PCDH15: variants seen among roughly 807,000 people sequenced by gnomAD.
The protein encoded by PCDH15 is protocadherin-15.
In PCDH15, 129 loss-of-function variants were observed where a neutral mutation model predicts 178.5. The ratio of observed to expected loss-of-function variants is 0.72; its 90% CI spans 0.63 to 0.84. PCDH15 has a LOEUF of 0.84. Ranked by LOEUF, PCDH15 falls within the 40% of genes least tolerant of loss-of-function variation. The pLI is 0.00. For synonymous variants in PCDH15, 800 were observed against 732.0 expected (o/e 1.09, Z -1.50); for missense variants, 2,230 against 2,099.9 (o/e 1.06, Z -1.21).
At chr10:55,453,381 T>A (rs2132083450) in intron 2 of PCDH15, among the ~76,000 whole-genome samples, 1 of 152,308 alleles carries the variant, frequency 6.6e-6, no homozygotes, top group Non-Finnish European at 1.5e-5. Context: ...GTTTAGGTTT[T>A]GTAATAGAAA....
intron 1 of PCDH15, among the ~76,000 whole-genome samples, chr10:55,263,020 T>G (rs1314230326): frequency 6.6e-6 from 1 of 152,058 alleles, no homozygotes; most frequent in African/African-American, 2.4e-5. Context: ...ACCAAATAAG[T>G]GAGCCACATC....
intron 2 of PCDH15, among the ~76,000 whole-genome samples, chr10:55,048,110 T>A (rs779707174): frequency 6.6e-6 from 1 of 151,870 alleles, no homozygotes. Context: ...ATACTTCTTA[T>A]ATGTTTAAGA....
intron 6 of PCDH15, among the ~76,000 whole-genome samples, chr10:54,334,445 T>C (rs1050968370): frequency 6.6e-6 from 1 of 152,138 alleles, no homozygotes; most frequent in Non-Finnish European, 1.5e-5. Flanking sequence ...CCAGTTTAGA[T>C]AAAACGGCAG....
At chr10:54,788,974 C>G (rs1170297068) in intron 1 of PCDH15, among the ~76,000 whole-genome samples, 1 of 151,752 alleles carries the variant, frequency 6.6e-6, no homozygotes, top group Non-Finnish European at 1.5e-5. Flanking sequence ...ATGAAACTTT[C>G]AAAGAAGATA....
intron 1 of PCDH15, among the ~76,000 whole-genome samples, chr10:55,238,172 G>A (rs1841440918): frequency 7.0e-6 from 1 of 143,360 alleles, no homozygotes; most frequent in South Asian, 2.2e-4. Context: ...TTTTGAGACG[G>A]AGTCTCCCTC....
At chr10:55,082,582 GAAA>G (rs35092419) in intron 2 of PCDH15, among the ~76,000 whole-genome samples, 58,364 of 133,760 alleles carry the variant, frequency 0.44, 14,945 homozygotes, top group African/African-American at 0.74. Flanking sequence ...AAATTGAAAT[GAAA>G]AAAAAAAAAA....
chr10:54,678,133 T>C (rs576463010), intron 1 of PCDH15, among the ~76,000 whole-genome samples: 2 of 152,336 alleles, frequency 1.3e-5, no homozygotes, highest in African/African-American at 4.8e-5. Flanking sequence ...GTAGTTACTT[T>C]ACAAAGTAAC....
In PCDH15 at chr10:53,895,407, T is replaced by C. The variant is rs77117240; in HGVS notation, c.3501+7836A>G. 8.3e-3 allele frequency among the ~76,000 whole-genome samples: 1,258 copies of C among 152,320 alleles called. 26 individuals are homozygous for C. Among genetic ancestry groups the C allele is most frequent in the African/African-American group, 0.029 (1,204 of 41,576 alleles). On this transcript the variant is annotated intron_variant, in intron 26 of 37. Transcript: ENST00000644397. ...GCTGCTTTTTCACAATATTATTTTC[T>C]TTTAGTCCATAAATTTCTTAAATTT...
chr10:54,685,961 T>C (rs2094991836), intron 1 of PCDH15, among the ~76,000 whole-genome samples: 1 of 152,074 alleles, frequency 6.6e-6, no homozygotes, highest in South Asian at 2.1e-4. Context: ...TGTGTGTGTG[T>C]TTATGTATTT....
intron 1 of PCDH15, among the ~76,000 whole-genome samples, chr10:54,705,345 T>C (rs2095355019): frequency 6.6e-6 from 1 of 152,078 alleles, no homozygotes; most frequent in Non-Finnish European, 1.5e-5. Context: ...GATTAATCCA[T>C]ATCAGTTATT....
intron 3 of PCDH15, among the ~76,000 whole-genome samples, chr10:54,836,610 T>A (rs1389609472): frequency 1.3e-5 from 2 of 152,002 alleles, no homozygotes; most frequent in Non-Finnish European, 2.9e-5. Flanking sequence ...ATATAAATAA[T>A]CTAGTTCACA....
chr10:55,146,917 T>C (rs1414318955), intron 2 of PCDH15, among the ~76,000 whole-genome samples: 1 of 151,548 alleles, frequency 6.6e-6, no homozygotes, highest in Non-Finnish European at 1.5e-5. Context: ...TCACTCTGTG[T>C]GTATATGTGG....
chr10:53,941,013 T>A, intron 23 of PCDH15, 38 bp from the exon 24 acceptor site: 1 of 1,405,514 alleles, frequency 7.1e-7, no homozygotes, highest in East Asian at 2.3e-5. Flanking sequence ...TATTTTTAAA[T>A]ATAATTTTTG....
At chr10:55,190,079 C>T (rs893339316) in intron 1 of PCDH15, among the ~76,000 whole-genome samples, 2 of 151,666 alleles carry the variant, frequency 1.3e-5, no homozygotes, top group African/African-American at 4.8e-5. Flanking sequence ...AATGAAAGAG[C>T]TACAGATACA....
chr10:55,008,811 G>T (rs1163795619), intron 2 of PCDH15, among the ~76,000 whole-genome samples: 1 of 151,790 alleles, frequency 6.6e-6, no homozygotes, highest in Non-Finnish European at 1.5e-5. Context: ...TAGTTATTTG[G>T]AATAAATGAA....
At chr10:54,362,851 A>G (rs1946261290) in intron 5 of PCDH15, among the ~76,000 whole-genome samples, 1 of 152,088 alleles carries the variant, frequency 6.6e-6, no homozygotes, top group African/African-American at 2.4e-5. Context: ...TAATTCATAT[A>G]GTTCATATTT....
intron 2 of PCDH15, among the ~76,000 whole-genome samples, chr10:55,390,997 A>C (rs938777241): frequency 2.6e-5 from 4 of 152,208 alleles, no homozygotes; most frequent in African/African-American, 7.2e-5. Flanking sequence ...TACCAGCTGC[A>C]TTAGCCCAAT....
rs1281690816 is a variant in PCDH15 at position 54,153,093 on chromosome 10, A to C, written c.1784+7T>G. 1 of 1,613,540 alleles carries C rather than the reference A, an allele frequency of 6.2e-7. No individual in the cohort carries two copies. The highest frequency in any genetic ancestry group is 1.7e-5 in the Admixed American group (1 of 59,938). ...GAAAAGACTGCATTGGTTCTAATAT[A>C]AATTACCTTCGCTCTGCAGGAGGAG... is the stretch of plus-strand genomic sequence containing the variant. On this transcript the variant is annotated splice_region_variant and intron_variant, in intron 14 of 37. Transcript: ENST00000644397.
intron 2 of PCDH15, among the ~76,000 whole-genome samples, chr10:54,643,951 A>G (rs1157371598): frequency 7.3e-6 from 1 of 136,804 alleles, no homozygotes; most frequent in Non-Finnish European, 1.6e-5. Flanking sequence ...TATATCTCCT[A>G]ATGCTAACCC....
Sources: allele counts gnomAD v4.1 joint callset (sites outside exome capture counted in the v4.1 genomes callset), GRCh38; gene constraint gnomAD v4.1.1; transcripts MANE v1.5; gene names NCBI Gene and HGNC (gene_info 2026-07-23, HGNC 2026-07-21).